The following CADPS2 variants were observed in gnomAD, a reference collection of about 807,000 sequenced individuals.
CADPS2 encodes calcium dependent secretion activator 2.
CADPS2 carries 93 observed loss-of-function variants against 172.5 expected under a neutral mutation model. That is an observed-to-expected ratio of 0.54 (90% CI 0.46 to 0.64). The LOEUF (loss-of-function observed/expected upper bound fraction) is 0.64. Among genes scored for constraint, CADPS2 ranks in the 30% least tolerant of loss-of-function variants. CADPS2 has a pLI of 0.00. For synonymous variants in CADPS2, 546 were observed against 555.2 expected (o/e 0.98, Z 0.23); for missense variants, 1,420 against 1,565.9 (o/e 0.91, Z 1.57).
At chr7:122,710,256 T>TA (rs887500112) in intron 2 of CADPS2, among the ~76,000 whole-genome samples, 2 of 152,046 alleles carry the variant, frequency 1.3e-5, no homozygotes, top group African/African-American at 4.8e-5. Flanking sequence ...ATTTTCTCCT[T>TA]ACGTTTTTCC....
At chr7:122,839,309 C>A (rs1055257998) in intron 1 of CADPS2, among the ~76,000 whole-genome samples, 2 of 151,968 alleles carry the variant, frequency 1.3e-5, no homozygotes, top group East Asian at 1.9e-4. Flanking sequence ...AATGTTAGAC[C>A]TAAAACCATA....
chr7:122,410,446 T>C (rs1252695497), intron 19 of CADPS2, among the ~76,000 whole-genome samples: 1 of 149,766 alleles, frequency 6.7e-6, no homozygotes, highest in Non-Finnish European at 1.5e-5. Context: ...GGAAAGCCTT[T>C]TTTTTTTTTT....
chr7:122,479,389 A>G (rs1014823741), intron 12 of CADPS2, among the ~76,000 whole-genome samples: 6 of 152,196 alleles, frequency 3.9e-5, no homozygotes, highest in Admixed American at 6.5e-5. Context: ...ACAGCAAAGT[A>G]GGTGCCACTT....
chr7:122,601,778 G>C (rs989162339), intron 6 of CADPS2, among the ~76,000 whole-genome samples: 2 of 151,880 alleles, frequency 1.3e-5, no homozygotes, highest in Non-Finnish European at 2.9e-5. Context: ...TATCATCCAG[G>C]TCGCAGAGTT....
chr7:122,588,375 T>C (rs1023261295), intron 6 of CADPS2, among the ~76,000 whole-genome samples: 1 of 152,042 alleles, frequency 6.6e-6, no homozygotes, highest in African/African-American at 2.4e-5. Flanking sequence ...TAATTGTTAA[T>C]AAGGTGTGAA....
At chr7:122,724,179 A>G (rs1270420893) in intron 2 of CADPS2, among the ~76,000 whole-genome samples, 2 of 152,028 alleles carry the variant, frequency 1.3e-5, no homozygotes, top group Admixed American at 6.6e-5. Flanking sequence ...AAGTATAATA[A>G]TAATTGAAAA....
At position 122,645,526 on chromosome 7, in the gene CADPS2, A is replaced by AT. The variant is rs1563950770; in HGVS notation, c.787-16199_787-16198insA. Among the ~76,000 whole-genome samples, 4 of 29,084 alleles carry AT rather than the reference A, an allele frequency of 1.4e-4. No individual in the cohort carries two copies. The Admixed American group carries it at 1.5e-3, about 11-fold the overall frequency. The allele number at this position is 29,084 out of a possible 152,430, so 19.1% of individuals were successfully genotyped here. A position where few individuals can be genotyped will look rare whatever the true frequency, so the allele number is the denominator to read the frequency against. ...AGTATATATATACTTATATATATAT[A>AT]AGTATATATATATACTTATATATAT... is the stretch of plus-strand genomic sequence containing the variant. On this transcript the variant is annotated intron_variant, in intron 3 of 29. Transcript: ENST00000449022.
intron 1 of CADPS2, among the ~76,000 whole-genome samples, chr7:122,820,804 C>A (rs1803022348): frequency 7.3e-6 from 1 of 137,404 alleles, no homozygotes. Context: ...CGTGATCCGC[C>A]CGCCTCGGCC....
At position 122,787,764 on chromosome 7, in the gene CADPS2, G is replaced by A. The variant is rs141252132; in HGVS notation, c.340-50696C>T. On this transcript the variant is annotated intron_variant, in intron 1 of 29. Coordinates refer to ENST00000449022, the MANE Select transcript of CADPS2 (RefSeq NM_017954.11). ...AAGTAACTGAATTCCAGGATACTTG[G>A]TATTAGCTGTTAGAGTAGCCTTCAG... Among the ~76,000 whole-genome samples the A allele has an allele frequency of 9.2e-5, 14 of 152,294 alleles. No homozygotes were observed. The East Asian group carries it at 2.7e-3, about 29-fold the overall frequency.
chr7:122,831,821 G>T (rs1484908835), intron 1 of CADPS2, among the ~76,000 whole-genome samples: 1 of 152,120 alleles, frequency 6.6e-6, no homozygotes, highest in African/African-American at 2.4e-5. Context: ...TGAAAGACTG[G>T]TTTGTGATAA....
intron 1 of CADPS2, among the ~76,000 whole-genome samples, chr7:122,857,756 T>C (rs1815712277): frequency 6.6e-6 from 1 of 152,184 alleles, no homozygotes. Flanking sequence ...GTTTCTTCCT[T>C]CTGGTGGGTT....
chr7:122,862,849 C>T (rs566067726), intron 1 of CADPS2, among the ~76,000 whole-genome samples: 3 of 151,984 alleles, frequency 2.0e-5, no homozygotes, highest in Admixed American at 6.6e-5. Context: ...AATAAAATAA[C>T]TGAAATAACG....
intron 6 of CADPS2, among the ~76,000 whole-genome samples, chr7:122,594,940 A>G (rs2071512347): frequency 6.6e-6 from 1 of 152,030 alleles, no homozygotes. Context: ...TTCAAAGCAT[A>G]AAACATGCAC....
chr7:122,848,901 T>C (rs1383279873), intron 1 of CADPS2, among the ~76,000 whole-genome samples: 4 of 145,684 alleles, frequency 2.7e-5, no homozygotes, highest in African/African-American at 5.1e-5. Context: ...TTCTGAAGAC[T>C]TTACTAAGAA....
At chr7:122,678,724 T>C (rs552133419) in intron 2 of CADPS2, among the ~76,000 whole-genome samples, 2 of 152,248 alleles carry the variant, frequency 1.3e-5, no homozygotes, top group Admixed American at 6.5e-5. Flanking sequence ...ATGTTATCTA[T>C]AGGAGCAATT....
chr7:122,573,920 T>C (rs1335296081), intron 7 of CADPS2, among the ~76,000 whole-genome samples: 1 of 152,074 alleles, frequency 6.6e-6, no homozygotes, highest in Non-Finnish European at 1.5e-5. Context: ...AGAATAAAAA[T>C]AAGAAATTTT....
Position 122,369,136 on chromosome 7 carries a change from C to A in CADPS2, c.3388-8123G>T, listed in dbSNP as rs955801564. On this transcript the variant is annotated intron_variant, in intron 25 of 29. Transcript: ENST00000449022. ...TAGAAGAATTTTTGTTTCCCCCCCC[C>A]CCCCCCTTTTTTTTTTTTTGAGTCT... 2.4e-4 allele frequency among the ~76,000 whole-genome samples: 23 copies of A among 96,160 alleles called. No individual in the cohort carries two copies. The East Asian group carries it at 2.8e-3, about 12-fold the overall frequency. The allele number at this position is 96,160 out of a possible 152,430, so 63.1% of individuals were successfully genotyped here.
chr7:122,375,666 T>C (rs545985541), intron 25 of CADPS2, among the ~76,000 whole-genome samples: 147 of 152,124 alleles, frequency 9.7e-4, no homozygotes, highest in African/African-American at 3.2e-3. Flanking sequence ...ACTTCTAGAA[T>C]AAAACATAGG....
At chr7:122,657,113 G>T (rs2079897766) in intron 3 of CADPS2, among the ~76,000 whole-genome samples, 1 of 152,138 alleles carries the variant, frequency 6.6e-6, no homozygotes, top group African/African-American at 2.4e-5. Context: ...AAGATCAGAT[G>T]GTTGTTTATG....
Sources: allele counts gnomAD v4.1 joint callset (sites outside exome capture counted in the v4.1 genomes callset), GRCh38; gene constraint gnomAD v4.1.1; transcripts MANE v1.5; gene names NCBI Gene and HGNC (gene_info 2026-07-23, HGNC 2026-07-21).